VPS36: variants seen among roughly 807,000 people sequenced by gnomAD.
VPS36 encodes the protein vacuolar protein sorting 36 homolog, also known as vacuolar protein-sorting-associated protein 36.
A neutral mutation model predicts 63.5 loss-of-function variants in VPS36; 31 were observed. The ratio of observed to expected loss-of-function variants is 0.49; its 90% CI spans 0.37 to 0.66. VPS36 has a LOEUF of 0.66. Ranked by LOEUF, VPS36 falls within the 30% of genes least tolerant of loss-of-function variation. VPS36 has a pLI of 0.00. For missense variants in VPS36, 338 were observed against 463.7 expected (o/e 0.73, Z 2.49); for synonymous variants, 138 against 157.2 (o/e 0.88, Z 0.91).
rs1206116408 is a variant in VPS36, at chr13:52,415,751, G to T, written c.*79C>A. The T allele has an allele frequency of 2.3e-6, 3 of 1,302,698 alleles. No homozygotes were observed. Among genetic ancestry groups the T allele is most frequent in the Middle Eastern group, 3.8e-4 (2 of 5,332 alleles). The allele number at this position is 1,302,698 out of a possible 1,614,324, so 80.7% of individuals were successfully genotyped here. A position where few individuals can be genotyped will look rare whatever the true frequency, so the allele number is the denominator to read the frequency against. On this transcript the variant is annotated 3_prime_UTR_variant, in exon 14 of 14. Transcript: ENST00000378060. ...TCCAATAAATTCTCAATTGATCGGG[G>T]TTTATCTCTTAGCTCAATGTCATAC...
intron 1 of VPS36, 128 bp downstream of exon 1, chr13:52,450,371 C>G (rs1033352615): frequency 2.4e-6 from 3 of 1,245,316 alleles, no homozygotes; most frequent in Middle Eastern, 5.1e-4. Flanking sequence ...AGAGGCCTGC[C>G]GGGCCGCCGA....
intron 1 of VPS36, 184 bp downstream of exon 1, chr13:52,450,315 A>G: frequency 1.7e-6 from 2 of 1,173,710 alleles, no homozygotes; most frequent in Non-Finnish European, 2.1e-6. Context: ...GCCCCACGCC[A>G]CGTGCTACCG....
At chr13:52,446,441 C>G (rs929665753) in intron 1 of VPS36, among the ~76,000 whole-genome samples, 5 of 152,126 alleles carry the variant, frequency 3.3e-5, no homozygotes, top group Non-Finnish European at 7.4e-5. Flanking sequence ...TGTTGCTGCT[C>G]TAAGTGAAGA....
intron 7 of VPS36, 23 bp from the exon 8 acceptor site, chr13:52,427,089 T>C: frequency 1.2e-6 from 2 of 1,604,956 alleles, no homozygotes; most frequent in Non-Finnish European, 1.7e-6. Flanking sequence ...AAGTAAAGAC[T>C]GAAAAGCACT....
In VPS36 at chr13:52,434,726, C is replaced by T. The variant is rs552483006; in HGVS notation, c.441+67G>A. 2.1e-5 allele frequency: 30 copies of T among 1,412,014 alleles called. No individual in the cohort carries two copies. The African/African-American group carries it at 4.2e-4, about 20-fold the overall frequency. The allele number at this position is 1,412,014 out of a possible 1,614,324, so 87.5% of individuals were successfully genotyped here. On this transcript the variant is annotated intron_variant, in intron 5 of 13. Coordinates refer to ENST00000378060, the MANE Select transcript of VPS36 (RefSeq NM_016075.4). ...TGGGCAAGTTCTACAATCACAGAGT[C>T]TTTTTCTTAATGAAGATGTAAGTAC...
rs1240482174 is a variant in VPS36 at position 52,413,511 on chromosome 13, C to A, written c.*2319G>T. On this transcript the variant is annotated 3_prime_UTR_variant, in exon 14 of 14. Coordinates refer to ENST00000378060, the MANE Select transcript of VPS36 (RefSeq NM_016075.4). ...ATTTAAAAAGAATGCCAAGAAAAAT[C>A]ATTTTTAAATTTTGCAATAATTTTA... The A allele has an allele frequency of 6.6e-6, 1 of 152,124 alleles. No homozygotes were observed. The allele number at this position is 152,124 out of a possible 1,614,324, so 9.4% of individuals were successfully genotyped here.
intron 12 of VPS36, chr13:52,416,338 A>G: frequency 2.1e-6 from 1 of 473,102 alleles, no homozygotes; most frequent in Non-Finnish European, 3.7e-6. Context: ...CAAGCTCTCT[A>G]TAATGTAACA....
intron 4 of VPS36, among the ~76,000 whole-genome samples, 175 bp from the exon 5 acceptor site, chr13:52,435,057 C>T (rs986235089): frequency 2.0e-5 from 3 of 150,762 alleles, no homozygotes; most frequent in Non-Finnish European, 4.4e-5. Context: ...CCACAACTTC[C>T]GCCTCCCCGA....
rs747142932 is a variant in VPS36 at position 52,436,337 on chromosome 13, T to C, written c.304A>G (p.Lys102Glu). 11 of 1,613,466 alleles carry C rather than the reference T, an allele frequency of 6.8e-6. No individual in the cohort carries two copies. Among genetic ancestry groups the C allele is most frequent in the East Asian group, 2.2e-5 (1 of 44,862 alleles). Residue 102 changes from lysine to glutamate, a missense_variant, in exon 4 of 14, where the codon AAG (lysine) becomes GAG (glutamate). Transcript: ENST00000378060. ...AAGGAGAGTTTGATGTAGGAGTTCT[T>C]ACTACTCTGGAATGGGCCAGGTTCT... ...NKEPGPFQSSKNSYIKLSFKE... is the reference protein window; with the variant it reads ...NKEPGPFQSSENSYIKLSFKE...
chr13:52,434,793 C>T lies in VPS36; in HGVS notation c.441G>A (p.Gln147=). Residue 147 remains glutamine, a splice_region_variant and synonymous_variant, in exon 5 of 14, where the codon CAG becomes CAA. Transcript: ENST00000378060. Reference sequence around the variant, plus strand: ...GATTAGCAAATAGTTTTAAAAATACCTGGGGTCCTCTATTTGTTTGTAATG... The same window carrying T: ...GATTAGCAAATAGTTTTAAAAATACTTGGGGTCCTCTATTTGTTTGTAATG... The part of the protein sequence containing the change: ...SQSLQTNRGP[Q]PGRIRAVGIV... 3.1e-6 allele frequency: 5 copies of T among 1,611,612 alleles called. No individual in the cohort carries two copies. The highest frequency in any genetic ancestry group is 3.4e-6 in the Non-Finnish European group (4 of 1,178,832).
At chr13:52,424,015 A>G (rs892589164) in intron 9 of VPS36, among the ~76,000 whole-genome samples, 2 of 151,806 alleles carry the variant, frequency 1.3e-5, no homozygotes, top group Non-Finnish European at 2.9e-5. Flanking sequence ...GCACCACCAC[A>G]CCCAGCTAAT....
chr13:52,423,507 G>T (rs1486590601), intron 10 of VPS36, 67 bp downstream of exon 10: 1 of 1,385,582 alleles, frequency 7.2e-7, no homozygotes, highest in Non-Finnish European at 1.0e-6. Flanking sequence ...TCCTCAAATT[G>T]TATTCGGAAT....
At chr13:52,427,935 T>C (rs902693857) in intron 6 of VPS36, among the ~76,000 whole-genome samples, 1 of 152,196 alleles carries the variant, frequency 6.6e-6, no homozygotes, top group African/African-American at 2.4e-5. Flanking sequence ...GCTTTCCTGG[T>C]TGAAAATGGC....
intron 10 of VPS36, among the ~76,000 whole-genome samples, chr13:52,422,125 C>T (rs1369593045): frequency 6.6e-6 from 1 of 152,096 alleles, no homozygotes; most frequent in Non-Finnish European, 1.5e-5. Context: ...CCCACTTATA[C>T]ACCTTTCCCA....
At chr13:52,432,133 C>G (rs9568735) in intron 6 of VPS36, among the ~76,000 whole-genome samples, 1 of 152,144 alleles carries the variant, frequency 6.6e-6, no homozygotes, top group South Asian at 2.1e-4. Context: ...CGGCGGATCA[C>G]GAGGTCAGAA....
At chr13:52,423,282 A>G (rs1371525107) in intron 10 of VPS36, among the ~76,000 whole-genome samples, 2 of 152,214 alleles carry the variant, frequency 1.3e-5, no homozygotes, top group East Asian at 3.8e-4. Flanking sequence ...TGTCAATTAT[A>G]AAGAAAAATA....
intron 1 of VPS36, among the ~76,000 whole-genome samples, chr13:52,445,606 T>C (rs1447663738): frequency 1.5e-5 from 2 of 129,308 alleles, no homozygotes; most frequent in East Asian, 2.2e-4. Context: ...GCCATTGCAC[T>C]CCAGCCTGGG....
rs750681798 is a variant in VPS36, at chr13:52,415,864, C to A, written c.1127G>T (p.Arg376Leu). The change falls in exon 14 of 14, where the codon CGT becomes CTT. Residue 376 changes from arginine (R) to leucine (L), a missense_variant. Transcript: ENST00000378060. ...TGTCATAAATAAATTTGGGTAAAAA[C>A]GCAGGCCTTCCACTGAGTCATCACG... is the stretch of plus-strand genomic sequence containing the variant. ...LCRDDSVEGL[R>L]FYPNLFMTQS 1 of 1,613,972 alleles carries A rather than the reference C, an allele frequency of 6.2e-7. No homozygotes were observed. The highest frequency in any genetic ancestry group is 8.5e-7 in the Non-Finnish European group (1 of 1,179,982).
Position 52,436,350 on chromosome 13 carries a change from T to A in VPS36, c.291A>T (p.Pro97=). 1 of 1,613,500 alleles carries A rather than the reference T, an allele frequency of 6.2e-7. No homozygotes were observed. The highest frequency in any genetic ancestry group is 8.5e-7 in the Non-Finnish European group (1 of 1,179,818). The part of the protein sequence containing the change: ...HPAPPNKEPG[P]FQSSKNSYIK... ...TGTAGGAGTTCTTACTACTCTGGAA[T>A]GGGCCAGGTTCTTTGTTAGGAGGAG... The change falls in exon 4 of 14, where the codon CCA becomes CCT. Residue 97 remains proline (P), a synonymous_variant. Coordinates refer to ENST00000378060, the MANE Select transcript of VPS36 (RefSeq NM_016075.4).
Sources: gnomAD v4.1 joint callset for allele counts (sites outside exome capture counted in the v4.1 genomes callset) on GRCh38, gnomAD v4.1.1 for gene constraint, MANE v1.5 for transcripts, NCBI Gene and HGNC (gene_info 2026-07-23, HGNC 2026-07-21) for gene names.